The following PDE10A variants were observed in gnomAD, a reference collection of about 807,000 sequenced individuals.
PDE10A encodes cAMP and cAMP-inhibited cGMP 3',5'-cyclic phosphodiesterase 10A.
A neutral mutation model predicts 97.7 loss-of-function variants in PDE10A; 39 were observed. The ratio of observed to expected loss-of-function variants is 0.40; its 90% CI spans 0.31 to 0.52. The LOEUF (loss-of-function observed/expected upper bound fraction) is 0.52, where lower values mean the gene tolerates loss of function less well. PDE10A is among the 20% of genes least tolerant of loss of function. The pLI is 0.56. For synonymous variants in PDE10A, 371 were observed against 376.8 expected, an observed-to-expected ratio of 0.98 and a Z score of 0.18; for missense variants, 731 against 1,047.8, an observed-to-expected ratio of 0.70 and a Z score of 4.17.
rs1220317592 is a variant in PDE10A, at chr6:165,482,379, A to G, written c.995-36T>C. On this transcript the variant is annotated intron_variant, in intron 2 of 21. Transcript: ENST00000539869. ...AGAAGGAAGAGGGAAAAACACAATT[A>G]GCGACTGAGTAGGTTTTAAAATACA... 1.9e-6 allele frequency: 3 copies of G among 1,542,176 alleles called. No homozygotes were observed. The East Asian group carries it at 6.8e-5, about 35-fold the overall frequency.
intron 1 of PDE10A, among the ~76,000 whole-genome samples, chr6:165,649,753 C>A (rs1489215900): frequency 6.6e-6 from 1 of 152,176 alleles, no homozygotes; most frequent in Admixed American, 6.5e-5. Context: ...TCACTTGAGG[C>A]TACATTTGCA....
intron 1 of PDE10A, among the ~76,000 whole-genome samples, chr6:165,832,592 C>A (rs756345592): frequency 1.3e-5 from 2 of 152,212 alleles, no homozygotes; most frequent in African/African-American, 2.4e-5. Flanking sequence ...AGCTCCGCTG[C>A]CTTCTCCGTG....
intron 2 of PDE10A, among the ~76,000 whole-genome samples, chr6:165,515,610 G>A (rs777868714): frequency 2.3e-4 from 33 of 145,404 alleles, no homozygotes; most frequent in South Asian, 1.1e-3. Context: ...TGTAACCTCC[G>A]TCTCCAGGGT....
At chr6:165,641,909 C>A (rs565347761) in intron 1 of PDE10A, among the ~76,000 whole-genome samples, 24 of 152,340 alleles carry the variant, frequency 1.6e-4, no homozygotes, top group Non-Finnish European at 2.9e-4. Context: ...GTACCTCCCA[C>A]GGCAGCCCCG....
At chr6:165,723,207 T>C (rs915652150) in intron 1 of PDE10A, among the ~76,000 whole-genome samples, 2 of 152,132 alleles carry the variant, frequency 1.3e-5, no homozygotes, top group African/African-American at 4.8e-5. Flanking sequence ...AGGCACCAGG[T>C]GGGGAGTCTC....
chr6:165,354,823 C>T (rs536526), intron 18 of PDE10A, among the ~76,000 whole-genome samples: 71,014 of 151,728 alleles, frequency 0.47, 17,496 homozygotes, highest in African/African-American at 0.64. Flanking sequence ...GGCATTTCTA[C>T]GCTGGTGGTA....
At chr6:165,496,150 C>CA (rs1298273877) in intron 2 of PDE10A, among the ~76,000 whole-genome samples, 2 of 151,986 alleles carry the variant, frequency 1.3e-5, no homozygotes, top group African/African-American at 2.4e-5. Flanking sequence ...GATCAGCCTG[C>CA]ATAAAGACGT....
intron 1 of PDE10A, among the ~76,000 whole-genome samples, chr6:165,768,992 A>C (rs1287309741): frequency 6.6e-6 from 1 of 152,242 alleles, no homozygotes; most frequent in African/African-American, 2.4e-5. Flanking sequence ...TTTTATGACT[A>C]GTCTATATTC....
chr6:165,752,281 A>C (rs1793023688), intron 1 of PDE10A, among the ~76,000 whole-genome samples: 1 of 152,194 alleles, frequency 6.6e-6, no homozygotes, highest in Non-Finnish European at 1.5e-5. Flanking sequence ...CTGCTGTCTA[A>C]CATCACTGGC....
At chr6:165,576,332 C>G in intron 1 of PDE10A, 3 of 768,852 alleles carry the variant, frequency 3.9e-6, no homozygotes, top group Non-Finnish European at 7.3e-6. Context: ...CAAAACAGAG[C>G]TATAGAGTAC....
At chr6:165,359,972 G>C (rs190105637) in intron 18 of PDE10A, among the ~76,000 whole-genome samples, 83 of 152,180 alleles carry the variant, frequency 5.5e-4, no homozygotes, top group African/African-American at 2.0e-3. Flanking sequence ...TCTCCCTTTT[G>C]AGTTTATTTC....
intron 12 of PDE10A, 36 bp downstream of exon 12, chr6:165,416,153 G>C (rs749853742): frequency 3.0e-6 from 4 of 1,327,354 alleles, no homozygotes; most frequent in Non-Finnish European, 4.4e-6. Context: ...CATCACAGAA[G>C]AAATCAATGG....
intron 5 of PDE10A, among the ~76,000 whole-genome samples, chr6:165,435,615 G>A (rs1245544898): frequency 6.6e-6 from 1 of 152,154 alleles, no homozygotes; most frequent in Non-Finnish European, 1.5e-5. Flanking sequence ...TACAGGCACA[G>A]AAACACTCTT....
At position 165,435,751 on chromosome 6, in the gene PDE10A, CAT is replaced by C. The variant is rs981308196; in HGVS notation, c.1195-376_1195-375del. ...GTCCAACCTCCCTACAGACTTGACACATGTTACCTGAAGACAGAATCAGTAGC... is the reference window on the plus strand; with the variant it reads ...GTCCAACCTCCCTACAGACTTGACACGTTACCTGAAGACAGAATCAGTAGC... On this transcript the variant is annotated intron_variant, in intron 5 of 21. Transcript: ENST00000539869. Among the ~76,000 whole-genome samples the C allele has an allele frequency of 2.6e-3, 395 of 152,290 alleles. 1 individual carries two copies. Among genetic ancestry groups the C allele is most frequent in the African/African-American group, 8.9e-3 (369 of 41,568 alleles).
intron 17 of PDE10A, among the ~76,000 whole-genome samples, chr6:165,386,242 G>A (rs1338216169): frequency 6.6e-6 from 1 of 152,138 alleles, no homozygotes; most frequent in Non-Finnish European, 1.5e-5. Flanking sequence ...GGTTTAGGTG[G>A]ACCTGGAGCT....
At chr6:165,876,361 T>C (rs1781345742) in intron 1 of PDE10A, among the ~76,000 whole-genome samples, 2 of 152,134 alleles carry the variant, frequency 1.3e-5, no homozygotes, top group African/African-American at 4.8e-5. Flanking sequence ...AATAAAGAAG[T>C]GTGTCATTCT....
intron 1 of PDE10A, chr6:165,718,415 TCC>T (rs1380722952): frequency 5.8e-4 from 88 of 152,158 alleles, no homozygotes; most frequent in African/African-American, 1.8e-3. Flanking sequence ...CTGTCCCAAA[TCC>T]CCAGAAGAAA....
rs1016655152 is a variant in PDE10A at position 165,782,729 on chromosome 6, G to A, written c.-615+204800C>T. On this transcript the variant is annotated intron_variant, in intron 1 of 19. Coordinates refer to the PDE10A transcript ENST00000366882. Reference sequence around the variant, plus strand: ...TATTCCAAAGAACATCAAGAACTACGTCTTATCGTGTACCCAGGGACGTAC... The same window carrying A: ...TATTCCAAAGAACATCAAGAACTACATCTTATCGTGTACCCAGGGACGTAC... 4.6e-5 allele frequency among the ~76,000 whole-genome samples: 7 copies of A among 152,078 alleles called. 1 individual carries two copies. Among genetic ancestry groups the A allele is most frequent in the Admixed American group, 4.6e-4 (7 of 15,264 alleles).
At chr6:165,847,593 A>T (rs181893412) in intron 1 of PDE10A, among the ~76,000 whole-genome samples, 1 of 152,372 alleles carries the variant, frequency 6.6e-6, no homozygotes, top group Admixed American at 6.5e-5. Context: ...AGAGTTTAGA[A>T]CACTCATATG....
Sources: gnomAD v4.1 joint callset for allele counts (sites outside exome capture counted in the v4.1 genomes callset) on GRCh38, gnomAD v4.1.1 for gene constraint, MANE v1.5 for transcripts, NCBI Gene and HGNC (gene_info 2026-07-23, HGNC 2026-07-21) for gene names.